RAB3C: variants seen among roughly 807,000 people sequenced by gnomAD.
RAB3C encodes ras-related protein Rab-3C.
Under a neutral mutation model 26.4 loss-of-function variants are expected in RAB3C, and 17 were observed. That is an observed-to-expected ratio of 0.64 (90% CI 0.44 to 0.97). The LOEUF (loss-of-function observed/expected upper bound fraction) is 0.97, where lower values mean the gene tolerates loss of function less well. Among genes scored for constraint, RAB3C ranks in the 50% least tolerant of loss-of-function variants. RAB3C has a pLI of 0.00. For missense variants in RAB3C, 242 were observed against 281.9 expected (o/e 0.86, Z 1.01); for synonymous variants, 91 against 95.9 (o/e 0.95, Z 0.30).
chr5:58,630,177 T>C (rs1747160260), intron 2 of RAB3C, among the ~76,000 whole-genome samples: 1 of 152,252 alleles, frequency 6.6e-6, no homozygotes, highest in Non-Finnish European at 1.5e-5. Flanking sequence ...CTGTAATGCA[T>C]TGGTTTTAAT....
intron 2 of RAB3C, among the ~76,000 whole-genome samples, chr5:58,708,914 A>T (rs1749004962): frequency 6.6e-6 from 1 of 152,252 alleles, no homozygotes; most frequent in South Asian, 2.1e-4. Flanking sequence ...CAACAATAAC[A>T]TTCTTAGTCC....
In RAB3C at chr5:58,709,014, A is replaced by T. The variant is rs141465876; in HGVS notation, c.253-16988A>T. On this transcript the variant is annotated intron_variant, in intron 2 of 4. Transcript: ENST00000282878. The stretch of plus-strand genomic sequence containing the variant: ...TGCTTGTCTGCTTTCTTTTTCACAC[A>T]TAAATCAATATAGGTCCTTTCTCAT... Among the ~76,000 whole-genome samples the T allele has an allele frequency of 1.6e-3, 239 of 152,300 alleles. 3 individuals are homozygous for T. The East Asian group carries it at 0.025, about 16-fold the overall frequency.
chr5:58,856,647 A>T lies in RAB3C; in HGVS notation c.*5296A>T, dbSNP rs1400193080. ...ACAAGTGAGAGTTGGCTGTGGCTTT[A>T]TTTCTTGAGGCAAATTATTTTGCAT... is the stretch of plus-strand genomic sequence containing the variant. On this transcript the variant is annotated 3_prime_UTR_variant, in exon 5 of 5. Transcript: ENST00000282878. 9 of 152,136 alleles carry T rather than the reference A, an allele frequency of 5.9e-5. No individual in the cohort carries two copies. The South Asian group carries it at 1.7e-3, about 28-fold the overall frequency. 9.4% of individuals were successfully genotyped at this position (152,136 alleles called of 1,614,324 possible).
At chr5:58,815,886 T>G (rs1743205722) in intron 3 of RAB3C, 1 of 152,168 alleles carries the variant, frequency 6.6e-6, no homozygotes, top group African/African-American at 2.4e-5. Context: ...TGGGCCTGCA[T>G]GAGTGGCAAC....
chr5:58,830,363 C>T (rs1305165945), intron 4 of RAB3C, among the ~76,000 whole-genome samples: 2 of 152,114 alleles, frequency 1.3e-5, no homozygotes, highest in East Asian at 3.9e-4. Context: ...GCAGGCAGAT[C>T]TACCATGGCT....
intron 4 of RAB3C, among the ~76,000 whole-genome samples, chr5:58,850,371 C>A (rs1037198472): frequency 6.6e-6 from 1 of 152,164 alleles, no homozygotes; most frequent in African/African-American, 2.4e-5. Flanking sequence ...AAAATCAGCA[C>A]CCAGCTGATA....
intron 4 of RAB3C, among the ~76,000 whole-genome samples, chr5:58,841,915 T>C (rs1187173416): frequency 1.3e-5 from 2 of 152,178 alleles, no homozygotes; most frequent in Non-Finnish European, 2.9e-5. Context: ...CTTGGTCCTT[T>C]TCTACTCATG....
At chr5:58,655,605 T>A (rs866994566) in intron 2 of RAB3C, among the ~76,000 whole-genome samples, 15 of 152,150 alleles carry the variant, frequency 9.9e-5, no homozygotes, top group Middle Eastern at 6.8e-3. Flanking sequence ...AAATTTTTTT[T>A]AAAAAGAGCA....
intron 3 of RAB3C, among the ~76,000 whole-genome samples, chr5:58,773,158 A>G (rs1742061522): frequency 6.6e-6 from 1 of 152,156 alleles, no homozygotes; most frequent in Non-Finnish European, 1.5e-5. Flanking sequence ...GGCATTTTGT[A>G]AACCAGTCAC....
intron 1 of RAB3C, among the ~76,000 whole-genome samples, chr5:58,598,473 A>T (rs1429441964): frequency 6.6e-6 from 1 of 151,936 alleles, no homozygotes; most frequent in Non-Finnish European, 1.5e-5. Context: ...TCTTCCCCTT[A>T]TTAGTCTAGA....
intron 2 of RAB3C, among the ~76,000 whole-genome samples, chr5:58,714,415 T>C (rs1316412789): frequency 3.3e-5 from 5 of 152,084 alleles, no homozygotes; most frequent in African/African-American, 1.2e-4. Flanking sequence ...TATTTGGACA[T>C]ACAAAAGAAG....
chr5:58,779,421 G>A (rs1215242974), intron 3 of RAB3C, among the ~76,000 whole-genome samples: 5 of 151,222 alleles, frequency 3.3e-5, no homozygotes, highest in Admixed American at 6.6e-5. Flanking sequence ...GGCTCACTCT[G>A]TTGCCCAGGC....
Position 58,813,612 on chromosome 5 carries a change from A to ATG in RAB3C, c.372-11425_372-11424insGT, listed in dbSNP as rs1743140897. On this transcript the variant is annotated intron_variant, in intron 3 of 4. Transcript: ENST00000282878. ...TATATTTATATATATATATATATAT[A>ATG]TATATATATATATATATATATACAC... Among the ~76,000 whole-genome samples the ATG allele has an allele frequency of 9.6e-5, 5 of 51,954 alleles. 1 individual carries two copies. The highest frequency in any genetic ancestry group is 2.3e-4 in the Non-Finnish European group (5 of 21,280). The allele number at this position is 51,954 out of a possible 152,430, so 34.1% of individuals were successfully genotyped here.
chr5:58,599,039 A>AAAAAC (rs1746392260), intron 1 of RAB3C, among the ~76,000 whole-genome samples: 2 of 152,092 alleles, frequency 1.3e-5, no homozygotes, highest in South Asian at 4.1e-4. Context: ...TAGGATAGGT[A>AAAAAC]AAAACAAAAC....
chr5:58,621,768 G>A (rs1218407455), intron 2 of RAB3C, among the ~76,000 whole-genome samples: 1 of 151,948 alleles, frequency 6.6e-6, no homozygotes, highest in African/African-American at 2.4e-5. Context: ...GGGAGATGGG[G>A]TTTCACCATG....
intron 1 of RAB3C, among the ~76,000 whole-genome samples, chr5:58,587,025 G>A (rs558633614): frequency 1.1e-4 from 16 of 152,224 alleles, no homozygotes; most frequent in African/African-American, 3.6e-4. Context: ...TACAGAAACA[G>A]AAAATCCCTA....
intron 3 of RAB3C, among the ~76,000 whole-genome samples, chr5:58,812,296 A>G (rs1743108852): frequency 6.6e-6 from 1 of 152,092 alleles, no homozygotes; most frequent in African/African-American, 2.4e-5. Context: ...TCCACTTCCC[A>G]GAGGTCCAGT....
intron 2 of RAB3C, among the ~76,000 whole-genome samples, chr5:58,648,202 A>G (rs1747567714): frequency 6.7e-6 from 1 of 149,754 alleles, no homozygotes; most frequent in African/African-American, 2.5e-5. Context: ...TTAACAGAAG[A>G]CCCCAGGTTG....
intron 3 of RAB3C, among the ~76,000 whole-genome samples, chr5:58,795,860 G>GA (rs11390245): frequency 0.99 from 150,872 of 152,056 alleles, 74,917 homozygotes; most frequent in Middle Eastern, 1. Flanking sequence ...AAAAAGAAGT[G>GA]AAAAAAAGGC....
Sources: allele counts gnomAD v4.1 joint callset (sites outside exome capture counted in the v4.1 genomes callset), GRCh38; gene constraint gnomAD v4.1.1; transcripts MANE v1.5; gene names NCBI Gene and HGNC (gene_info 2026-07-23, HGNC 2026-07-21).